KLHL1: variants seen among roughly 807,000 people sequenced by gnomAD.
KLHL1 encodes the protein kelch like family member 1.
Under a neutral mutation model 77.7 loss-of-function variants are expected in KLHL1, and 47 were observed. The ratio of observed to expected loss-of-function variants is 0.60; its 90% CI spans 0.48 to 0.77. The LOEUF (loss-of-function observed/expected upper bound fraction) is 0.77, where lower values mean the gene tolerates loss of function less well. Ranked by LOEUF, KLHL1 falls within the 30% of genes least tolerant of loss-of-function variation. The pLI is 0.00. For missense variants in KLHL1, 925 were observed against 910.8 expected (o/e 1.02, Z -0.20); for synonymous variants, 360 against 325.2 (o/e 1.11, Z -1.15).
intron 9 of KLHL1, among the ~76,000 whole-genome samples, chr13:69,716,162 C>G (rs1876112020): frequency 1.3e-5 from 2 of 152,142 alleles, no homozygotes. Context: ...ACCAATCTAT[C>G]TATCCATTTA....
At chr13:70,086,308 C>T (rs572748854) in intron 1 of KLHL1, among the ~76,000 whole-genome samples, 19 of 151,176 alleles carry the variant, frequency 1.3e-4, no homozygotes, top group Admixed American at 4.0e-4. Context: ...CCTGGCTGGG[C>T]ATGGAGGCTC....
At chr13:69,971,852 T>C (rs149133158) in intron 2 of KLHL1, among the ~76,000 whole-genome samples, 122 of 152,194 alleles carry the variant, frequency 8.0e-4, no homozygotes, top group African/African-American at 2.8e-3. Context: ...AGGCCAATGC[T>C]AGAGTATGTT....
chr13:69,784,425 G>A (rs1448292988), intron 7 of KLHL1, among the ~76,000 whole-genome samples: 1 of 152,146 alleles, frequency 6.6e-6, no homozygotes, highest in Admixed American at 6.5e-5. Context: ...TCAGTGTGCT[G>A]TATTCAGGAA....
In KLHL1 at chr13:69,707,714, C is replaced by T. The variant is rs1875690365; in HGVS notation, c.2098G>A (p.Asp700Asn). Residue 700 changes from aspartate (D) to asparagine (N), a missense_variant, in exon 10 of 11, where the codon GAC (aspartate) becomes AAC (asparagine). Transcript: ENST00000377844. ...RDAVGVCLLG[D>N]RLYAVGGYDG... ...TAGCCACCAACAGCATATAATCTGT[C>T]ACCAAGGAGACAGACCCCAACAGCA... The T allele has an allele frequency of 6.2e-7, 1 of 1,612,922 alleles. No individual in the cohort carries two copies. Among genetic ancestry groups the T allele is most frequent in the Non-Finnish European group, 8.5e-7 (1 of 1,179,276 alleles).
chr13:69,952,574 T>C (rs542143668), intron 3 of KLHL1, among the ~76,000 whole-genome samples: 21 of 151,442 alleles, frequency 1.4e-4, no homozygotes, highest in African/African-American at 4.3e-4. Flanking sequence ...AGCCATAATA[T>C]GCAGAGATGA....
chr13:69,731,120 G>T (rs1873526410), intron 8 of KLHL1, among the ~76,000 whole-genome samples: 1 of 151,734 alleles, frequency 6.6e-6, no homozygotes, highest in African/African-American at 2.4e-5. Flanking sequence ...TACACAAATT[G>T]GTGTTAATAA....
At chr13:69,913,568 C>T (rs1475630490) in intron 4 of KLHL1, among the ~76,000 whole-genome samples, 1 of 152,166 alleles carries the variant, frequency 6.6e-6, no homozygotes, top group Non-Finnish European at 1.5e-5. Context: ...TCATTTTGTA[C>T]TAGAAATGAT....
intron 7 of KLHL1, among the ~76,000 whole-genome samples, chr13:69,782,206 C>T (rs1418285535): frequency 1.3e-5 from 2 of 152,180 alleles, no homozygotes; most frequent in African/African-American, 4.8e-5. Context: ...CGAACAGGAA[C>T]AGCTCCGGTC....
intron 1 of KLHL1, among the ~76,000 whole-genome samples, chr13:70,008,008 T>C (rs552293779): frequency 6.6e-6 from 1 of 152,124 alleles, no homozygotes; most frequent in Non-Finnish European, 1.5e-5. Context: ...ATTAATGTAG[T>C]ATGGCATGAA....
rs1012042275 is a variant in KLHL1 at position 69,724,854 on chromosome 13, T to G, written c.1803-5273A>C. Among the ~76,000 whole-genome samples the G allele has an allele frequency of 3.9e-5, 6 of 152,214 alleles. No homozygotes were observed. In the South Asian group the frequency reaches 1.2e-3, roughly 32 times the overall value. On this transcript the variant is annotated intron_variant, in intron 8 of 10. Transcript: ENST00000377844. ...AAATGGCCTCAATAAGAAAATTAATTAAGATGCTATATATTAAACCAAATT... is the reference window on the plus strand; with the variant it reads ...AAATGGCCTCAATAAGAAAATTAATGAAGATGCTATATATTAAACCAAATT...
intron 6 of KLHL1, among the ~76,000 whole-genome samples, chr13:69,836,528 C>A (rs1195608407): frequency 6.6e-6 from 1 of 152,022 alleles, no homozygotes; most frequent in African/African-American, 2.4e-5. Context: ...GAAAGCCAAA[C>A]AAGAGTAAGG....
intron 7 of KLHL1, among the ~76,000 whole-genome samples, chr13:69,745,905 A>T (rs1323131235): frequency 1.3e-4 from 20 of 151,664 alleles, no homozygotes; most frequent in Admixed American, 1.3e-3. Flanking sequence ...GAATACACAA[A>T]ATTTTTTAGA....
intron 4 of KLHL1, among the ~76,000 whole-genome samples, chr13:69,884,169 A>C (rs548542242): frequency 6.6e-6 from 1 of 152,278 alleles, no homozygotes; most frequent in East Asian, 1.9e-4. Context: ...CAGCTTTCAC[A>C]AAAGGGCACT....
intron 1 of KLHL1, among the ~76,000 whole-genome samples, chr13:70,035,160 G>A (rs939524772): frequency 6.6e-6 from 1 of 151,914 alleles, no homozygotes. Context: ...GTTTATTGCA[G>A]CATTATTCAC....
At chr13:69,933,748 G>A (rs1242407706) in intron 4 of KLHL1, among the ~76,000 whole-genome samples, 1 of 151,552 alleles carries the variant, frequency 6.6e-6, no homozygotes, top group Non-Finnish European at 1.5e-5. Context: ...TAAACCTAAT[G>A]AAATCTTCTA....
At chr13:69,735,941 A>G (rs972388059) in intron 8 of KLHL1, among the ~76,000 whole-genome samples, 1 of 152,182 alleles carries the variant, frequency 6.6e-6, no homozygotes, top group Non-Finnish European at 1.5e-5. Context: ...TAATGTGAAT[A>G]TGTATTCATT....
chr13:69,912,828 G>A (rs1160149795), intron 4 of KLHL1, among the ~76,000 whole-genome samples: 1 of 152,054 alleles, frequency 6.6e-6, no homozygotes, highest in Admixed American at 6.6e-5. Flanking sequence ...GCCCCATGCT[G>A]CTTGAGTCCT....
At chr13:69,746,079 T>G (rs892380930) in intron 7 of KLHL1, among the ~76,000 whole-genome samples, 7 of 151,620 alleles carry the variant, frequency 4.6e-5, no homozygotes, top group African/African-American at 1.7e-4. Context: ...TTCCCTATGC[T>G]ATTGCAATTG....
chr13:69,746,711 G>A (rs376533060), intron 7 of KLHL1, among the ~76,000 whole-genome samples: 16 of 151,530 alleles, frequency 1.1e-4, no homozygotes, highest in African/African-American at 3.2e-4. Context: ...TTGAGAGAAC[G>A]CAAATGATTG....
Sources: allele counts gnomAD v4.1 joint callset (sites outside exome capture counted in the v4.1 genomes callset), GRCh38; gene constraint gnomAD v4.1.1; transcripts MANE v1.5; gene names NCBI Gene and HGNC (gene_info 2026-07-23, HGNC 2026-07-21).